The following CCDC179 variants were observed in gnomAD, a reference collection of about 807,000 sequenced individuals.
CCDC179 encodes the protein coiled-coil domain containing 179.
CCDC179 carries 17 observed loss-of-function variants against 12.0 expected under a neutral mutation model. That is an observed-to-expected ratio of 1.42 (90% CI 0.97 to 2.13). CCDC179 has a LOEUF of 2.13. CCDC179 is among the 30% of genes most tolerant of loss of function. The pLI is 0.00. For synonymous variants in CCDC179, 27 were observed against 26.4 expected, an observed-to-expected ratio of 1.02 and a Z score of -0.07; for missense variants, 83 against 78.6, an observed-to-expected ratio of 1.06 and a Z score of -0.21.
chr11:22,859,479 A>T lies in CCDC179; in HGVS notation c.63T>A (p.His21Gln). The T allele has an allele frequency of 2.0e-6, 3 of 1,503,128 alleles. No homozygotes were observed. The highest frequency in any genetic ancestry group is 2.0e-5 in the Admixed American group (1 of 49,622). The allele number at this position is 1,503,128 out of a possible 1,614,324, so 93.1% of individuals were successfully genotyped here. The change falls in exon 2 of 4, where the codon CAT (histidine) becomes CAA (glutamine). Residue 21 changes from histidine to glutamine, a missense_variant. By Grantham distance (24) the His-to-Gln change is conservative. Coordinates refer to ENST00000532798, the MANE Select transcript of CCDC179 (RefSeq NM_001195637.2). ...SQVNPEGPRQ[H>Q]HPSEVTERQL... ...GCCGCTCAGTGACCTCTGAAGGATGATGTTGTCTTGGTCCTTCCTATATAA... is the reference window on the plus strand; with the variant it reads ...GCCGCTCAGTGACCTCTGAAGGATGTTGTTGTCTTGGTCCTTCCTATATAA...
intron 1 of CCDC179, 107 bp from the exon 2 acceptor site, chr11:22,859,603 T>C (rs989738332): frequency 5.5e-5 from 30 of 547,422 alleles, no homozygotes; most frequent in African/African-American, 5.3e-4. Flanking sequence ...TTATGTATTA[T>C]ATGAATCATT....
chr11:22,847,831 CT>C (rs985009727), intron 3 of CCDC179, among the ~76,000 whole-genome samples: 1 of 151,980 alleles, frequency 6.6e-6, no homozygotes, highest in African/African-American at 2.4e-5. Context: ...TGTAGAAACC[CT>C]GGATATCAGT....
chr11:22,852,651 T>C (rs1858435371), intron 3 of CCDC179, among the ~76,000 whole-genome samples: 1 of 152,184 alleles, frequency 6.6e-6, no homozygotes, highest in Non-Finnish European at 1.5e-5. Flanking sequence ...TGTGATTTCA[T>C]TCCCAACCAA....
intron 3 of CCDC179, among the ~76,000 whole-genome samples, chr11:22,854,276 A>G (rs548381005): frequency 6.6e-6 from 1 of 151,954 alleles, no homozygotes; most frequent in African/African-American, 2.4e-5. Context: ...TTAGAAATGA[A>G]AAAAAAGAAG....
At chr11:22,849,536 GT>G (rs1297403781) in intron 3 of CCDC179, among the ~76,000 whole-genome samples, 1 of 152,002 alleles carries the variant, frequency 6.6e-6, no homozygotes, top group African/African-American at 2.4e-5. Flanking sequence ...TATTTCAATT[GT>G]TTTTGGGGGA....
rs1028747303 is a variant in CCDC179 at position 22,849,518 on chromosome 11, A to T, written c.196-1997T>A. On this transcript the variant is annotated intron_variant, in intron 3 of 3. Coordinates refer to ENST00000532798, the MANE Select transcript of CCDC179 (RefSeq NM_001195637.2). Reference sequence around the variant, plus strand: ...GGGGAGCTTTTTTCAGTTTATAGCAACTTATTTTATTTCAATTGTTTTTGG... The same window carrying T: ...GGGGAGCTTTTTTCAGTTTATAGCATCTTATTTTATTTCAATTGTTTTTGG... Among the ~76,000 whole-genome samples the T allele has an allele frequency of 1.1e-4, 16 of 152,168 alleles. 1 individual carries two copies. The East Asian group carries it at 3.1e-3, about 29-fold the overall frequency.
Position 22,857,749 on chromosome 11 carries a change from T to C in CCDC179, c.195+173A>G, listed in dbSNP as rs1858561516. 2.6e-5 allele frequency among the ~76,000 whole-genome samples: 4 copies of C among 151,746 alleles called. No homozygotes were observed. In the South Asian group the frequency reaches 8.3e-4, roughly 31 times the overall value. On this transcript the variant is annotated intron_variant, in intron 3 of 3. Coordinates refer to ENST00000532798, the MANE Select transcript of CCDC179 (RefSeq NM_001195637.2). Reference sequence around the variant, plus strand: ...ATTAAACCATATCACCTCCAGGAGATGACAGCAGAGGATATTTAAATAATA... The same window carrying C: ...ATTAAACCATATCACCTCCAGGAGACGACAGCAGAGGATATTTAAATAATA...
intron 3 of CCDC179, among the ~76,000 whole-genome samples, chr11:22,848,193 C>T (rs1243950274): frequency 4.6e-5 from 7 of 152,226 alleles, no homozygotes; most frequent in African/African-American, 1.7e-4. Flanking sequence ...CCTGTAATCC[C>T]CACATTTTGG....
At chr11:22,850,271 A>T (rs1054208643) in intron 3 of CCDC179, among the ~76,000 whole-genome samples, 11 of 152,162 alleles carry the variant, frequency 7.2e-5, no homozygotes, top group African/African-American at 2.7e-4. Context: ...TAAAGGGAAA[A>T]CCTTAACAAG....
At chr11:22,855,940 C>T (rs1858519680) in intron 3 of CCDC179, among the ~76,000 whole-genome samples, 1 of 151,234 alleles carries the variant, frequency 6.6e-6, no homozygotes, top group Non-Finnish European at 1.5e-5. Flanking sequence ...ATAAAACTGA[C>T]TAAATCTAAA....
chr11:22,860,335 A>C (rs1353861773), intron 1 of CCDC179, 42 bp downstream of exon 1: 1 of 1,532,014 alleles, frequency 6.5e-7, no homozygotes, highest in African/African-American at 1.4e-5. Context: ...AAGGCACAGG[A>C]CAGAGTGGCA....
chr11:22,849,518 A>G (rs1028747303), intron 3 of CCDC179, among the ~76,000 whole-genome samples: 1 of 152,168 alleles, frequency 6.6e-6, no homozygotes, highest in Non-Finnish European at 1.5e-5. Flanking sequence ...GTTTATAGCA[A>G]CTTATTTTAT....
chr11:22,853,692 T>C (rs7395367), intron 3 of CCDC179, among the ~76,000 whole-genome samples: 74,210 of 146,364 alleles, frequency 0.51, 19,098 homozygotes, highest in Middle Eastern at 0.7. Context: ...AGGAAAAGGA[T>C]GAAGAGGAAG....
At chr11:22,850,976 ATTTTTT>A (rs1164245496) in intron 3 of CCDC179, among the ~76,000 whole-genome samples, 5 of 6,122 alleles carry the variant, frequency 8.2e-4, no homozygotes, top group African/African-American at 9.2e-4. Context: ...ATATATATAT[ATTTTTT>A]TTTTTTTTTT....
intron 1 of CCDC179, 68 bp downstream of exon 1, chr11:22,860,309 C>G: frequency 6.7e-7 from 1 of 1,496,454 alleles, no homozygotes; most frequent in Non-Finnish European, 8.9e-7. Context: ...GCCAAGGCCA[C>G]AGTGGCCTGG....
chr11:22,856,490 G>A (rs1446665981), intron 3 of CCDC179, among the ~76,000 whole-genome samples: 1 of 151,384 alleles, frequency 6.6e-6, no homozygotes, highest in Non-Finnish European at 1.5e-5. Context: ...CTCAGTACTA[G>A]GTGTAGAGAG....
chr11:22,849,642 T>C (rs1172628361), intron 3 of CCDC179, among the ~76,000 whole-genome samples: 1 of 152,134 alleles, frequency 6.6e-6, no homozygotes, highest in Admixed American at 6.6e-5. Context: ...ATACCCAACG[T>C]ATAGTCTTTT....
At chr11:22,850,967 TATATATA>T (rs1257521345) in intron 3 of CCDC179, among the ~76,000 whole-genome samples, 13 of 24,882 alleles carry the variant, frequency 5.2e-4, no homozygotes, top group African/African-American at 1.4e-3. Flanking sequence ...TATATATATA[TATATATA>T]TATTTTTTTT....
intron 2 of CCDC179, 75 bp downstream of exon 2, chr11:22,859,377 G>T: frequency 1.0e-6 from 1 of 956,326 alleles, no homozygotes; most frequent in South Asian, 2.3e-5. Context: ...TTATGTTAGG[G>T]ACCACTACAT....
Sources: gnomAD v4.1 joint callset for allele counts (sites outside exome capture counted in the v4.1 genomes callset) on GRCh38, gnomAD v4.1.1 for gene constraint, MANE v1.5 for transcripts, NCBI Gene and HGNC (gene_info 2026-07-23, HGNC 2026-07-21) for gene names.